Variants in NEB observed in about 807,000 individuals in gnomAD.
NEB encodes the protein nemaline myopathy type 2.
In NEB, 512 loss-of-function variants were observed where a neutral mutation model predicts 952.2. The observed-to-expected ratio is 0.54, with a 90% CI of 0.50 to 0.58. The LOEUF (loss-of-function observed/expected upper bound fraction) is 0.58. NEB is among the 20% of genes least tolerant of loss of function. The pLI is 0.00. For missense variants in NEB, 8,428 were observed against 9,231.1 expected, an observed-to-expected ratio of 0.91 and a Z score of 3.56; for synonymous variants, 2,900 against 3,149.8, an observed-to-expected ratio of 0.92 and a Z score of 2.66.
chr2:151,567,316 G>C lies in NEB; in HGVS notation c.18008C>G (p.Pro6003Arg), dbSNP rs2096449520. The C allele has an allele frequency of 6.2e-7, 1 of 1,613,884 alleles. No homozygotes were observed. Reference protein sequence around the residue: ...YHKTKAKINIPADMVSVLAAK... With the variant: ...YHKTKAKINIRADMVSVLAAK... ...GGCCAAGACTGACACCATATCAGCA[G>C]GTATATTGATTTTGGCCTTTGTTTT... The change falls in exon 114 of 182, where the codon CCT (proline) becomes CGT (arginine). Residue 6003 changes from proline (P) to arginine (R), a missense_variant. This residue lies in a region of NEB where 3,374 missense variants were observed against 3,651.5 expected (regional missense o/e 0.92). Coordinates refer to ENST00000397345, the MANE Select transcript of NEB (RefSeq NM_001164508.2).
At chr2:151,503,647 A>G (rs191163375) in intron 165 of NEB, among the ~76,000 whole-genome samples, 1 of 152,292 alleles carries the variant, frequency 6.6e-6, no homozygotes, top group East Asian at 1.9e-4. Context: ...AAAACTGGGC[A>G]CTAAATTATG....
In NEB at chr2:151,666,210, T is replaced by C; in HGVS notation, c.4911A>G (p.Ala1637=). The C allele has an allele frequency of 6.2e-7, 1 of 1,613,974 alleles. No homozygotes were observed. The highest frequency in any genetic ancestry group is 8.5e-7 in the Non-Finnish European group (1 of 1,179,868). ...TGGTGGCAACCTCCTGAGATTTCTTTGCAGCTGTCACACTGACCATATCCA... is the reference window on the plus strand; with the variant it reads ...TGGTGGCAACCTCCTGAGATTTCTTCGCAGCTGTCACACTGACCATATCCA... ...TPLDMVSVTA[A]KKSQEVATNA... is the part of the protein sequence containing the mutation. The change falls in exon 41 of 182, where the codon GCA becomes GCG. Residue 1637 remains alanine (A), a synonymous_variant. Coordinates refer to ENST00000397345, the MANE Select transcript of NEB (RefSeq NM_001164508.2).
intron 164 of NEB, 127 bp from the exon 165 acceptor site, chr2:151,505,697 T>C: frequency 1.3e-6 from 1 of 755,008 alleles, no homozygotes; most frequent in Non-Finnish European, 2.3e-6. Context: ...GCAGGCTTTA[T>C]ACTTAGTGTG....
At chr2:151,690,703 G>T (rs375265096) in intron 24 of NEB, 24 bp downstream of exon 24, 14 of 1,527,284 alleles carry the variant, frequency 9.2e-6, no homozygotes, top group Non-Finnish European at 8.0e-6. Flanking sequence ...GGTCACCCAC[G>T]CTTGCATAAA....
rs2153438059 is a variant in NEB at position 151,524,422 on chromosome 2, C to G, written c.22375-7G>C. On this transcript the variant is annotated splice_polypyrimidine_tract_variant and splice_region_variant and intron_variant, in intron 152 of 181. Coordinates refer to ENST00000397345, the MANE Select transcript of NEB (RefSeq NM_001164508.2). ...GCTTGGCTCTGTACTCCACCTGAAT[C>G]AGAGAAAACCAAAATGGGCAACAGG... 6.2e-7 allele frequency: 1 copy of G among 1,613,924 alleles called. No individual in the cohort carries two copies. Among genetic ancestry groups the G allele is most frequent in the East Asian group, 2.2e-5 (1 of 44,878 alleles).
intron 62 of NEB, among the ~76,000 whole-genome samples, 196 bp downstream of exon 62, chr2:151,639,661 C>A (rs1028789255): frequency 6.6e-5 from 10 of 152,226 alleles, no homozygotes; most frequent in Middle Eastern, 3.4e-3. Context: ...TTATCAAAAT[C>A]ATGAAACAAT....
At position 151,642,692 on chromosome 2, in the gene NEB, C is replaced by T. The variant is rs2098892131; in HGVS notation, c.8266-11G>A. The T allele has an allele frequency of 1.9e-6, 3 of 1,611,936 alleles. No individual in the cohort carries two copies. The African/African-American group carries it at 4.0e-5, about 22-fold the overall frequency. ...AAGCTTATACAATTTCTAAAATAGA[C>T]ATTAATAGTAAGTTGGATTTATAAA... is the stretch of plus-strand genomic sequence containing the variant. On this transcript the variant is annotated splice_polypyrimidine_tract_variant and intron_variant, in intron 59 of 181. Transcript: ENST00000397345.
At chr2:151,606,517 A>G in intron 84 of NEB, 89 bp downstream of exon 84, 1 of 600,626 alleles carries the variant, frequency 1.7e-6, no homozygotes, top group Non-Finnish European at 2.8e-6. Flanking sequence ...CTATGCACAG[A>G]TTTTTTAAAA....
At chr2:151,618,501 C>G in intron 73 of NEB, 23 bp from the exon 74 acceptor site, 1 of 1,598,184 alleles carries the variant, frequency 6.3e-7, no homozygotes, top group Non-Finnish European at 8.6e-7. Context: ...AGATAAGAAA[C>G]AGATTTATTA....
intron 71 of NEB, among the ~76,000 whole-genome samples, chr2:151,622,454 AC>A (rs1219786350): frequency 6.6e-6 from 1 of 152,202 alleles, no homozygotes; most frequent in Non-Finnish European, 1.5e-5. Context: ...TATACTTTCC[AC>A]CTTTTGCAAA....
intron 13 of NEB, among the ~76,000 whole-genome samples, chr2:151,706,533 G>A (rs561611191): frequency 6.6e-6 from 1 of 152,244 alleles, no homozygotes; most frequent in Admixed American, 6.5e-5. Context: ...ATCTATCTTT[G>A]AAAGTCTCCT....
At chr2:151,667,345 G>C (rs2099232096) in intron 40 of NEB, among the ~76,000 whole-genome samples, 1 of 151,934 alleles carries the variant, frequency 6.6e-6, no homozygotes, top group Non-Finnish European at 1.5e-5. Context: ...AAAGTTTTAA[G>C]TACGTCACAG....
chr2:151,498,746 T>TACAA (rs1267744428), intron 169 of NEB, among the ~76,000 whole-genome samples: 4 of 152,180 alleles, frequency 2.6e-5, no homozygotes, highest in African/African-American at 7.2e-5. Context: ...ATTTGGGTTT[T>TACAA]ACAAACATTG....
At chr2:151,508,921 T>C (rs1327603123) in intron 161 of NEB, among the ~76,000 whole-genome samples, 2 of 152,230 alleles carry the variant, frequency 1.3e-5, no homozygotes, top group Admixed American at 6.5e-5. Flanking sequence ...CAGAACACTT[T>C]AGAGCCTTAT....
At position 151,537,898 on chromosome 2, in the gene NEB, G is replaced by C; in HGVS notation, c.21076C>G (p.Arg7026Gly). ...IPDRPEHFHHRAVTDTVSDVK... is the reference protein window; with the variant it reads ...IPDRPEHFHHGAVTDTVSDVK... ...TCACTGACTGTGTCAGTGACTGCTCGGTGGTGGAAATGCTCTGGACGATCA... is the reference window on the plus strand; with the variant it reads ...TCACTGACTGTGTCAGTGACTGCTCCGTGGTGGAAATGCTCTGGACGATCA... The change falls in exon 140 of 182, where the codon CGA becomes GGA. Residue 7026 changes from arginine to glycine, a missense_variant. By Grantham distance (125) the Arg-to-Gly change is moderately radical. This residue lies in a region of NEB where 3,374 missense variants were observed against 3,651.5 expected (regional missense o/e 0.92). Coordinates refer to ENST00000397345, the MANE Select transcript of NEB (RefSeq NM_001164508.2). 6.2e-7 allele frequency: 1 copy of C among 1,611,682 alleles called. No homozygotes were observed. Among genetic ancestry groups the C allele is most frequent in the South Asian group, 1.1e-5 (1 of 90,510 alleles).
In NEB at chr2:151,665,517, G is replaced by T; in HGVS notation, c.5054C>A (p.Thr1685Asn). The T allele has an allele frequency of 1.2e-6, 2 of 1,608,008 alleles. No homozygotes were observed. Among genetic ancestry groups the T allele is most frequent in the Non-Finnish European group, 1.7e-6 (2 of 1,177,208 alleles). Residue 1685 changes from threonine (T) to asparagine (N), a missense_variant, in exon 42 of 182, where the codon ACC becomes AAC. Thr to Asn is a moderately conservative substitution (Grantham distance 65, BLOSUM62 0). Around this residue, in one of 11 missense-constraint regions of NEB, gnomAD observed 2,851 missense variants for 2,791.5 expected, o/e 1.02. Transcript: ENST00000397345. ...CCAGCCGATCCCTTTCATCCAATTG[G>T]TGAAGTCAGATTTGTACAGATTCTT... is the stretch of plus-strand genomic sequence containing the variant. ...QSDNLYKSDF[T>N]NWMKGIGWVP...
intron 13 of NEB, among the ~76,000 whole-genome samples, chr2:151,700,823 G>A (rs1320266960): frequency 1.1e-4 from 14 of 130,058 alleles, no homozygotes; most frequent in African/African-American, 1.8e-4. Flanking sequence ...GGGACAATTT[G>A]ACTTCCTCTT....
At chr2:151,722,699 A>G (rs1489732969) in intron 9 of NEB, among the ~76,000 whole-genome samples, 2 of 152,018 alleles carry the variant, frequency 1.3e-5, no homozygotes, top group Non-Finnish European at 2.9e-5. Flanking sequence ...ATGCACCCCC[A>G]CACTTGGCTA....
At chr2:151,713,141 G>A (rs772931148) in intron 10 of NEB, among the ~76,000 whole-genome samples, 1 of 152,076 alleles carries the variant, frequency 6.6e-6, no homozygotes, top group Non-Finnish European at 1.5e-5. Context: ...CTTCCATGGG[G>A]CCACAAACTG....
Sources: gnomAD v4.1 joint callset for allele counts (sites outside exome capture counted in the v4.1 genomes callset) on GRCh38, gnomAD v4.1.1 for gene constraint, gnomAD v4.1.1 regional missense constraint, MANE v1.5 for transcripts, NCBI Gene and HGNC (gene_info 2026-07-23, HGNC 2026-07-21) for gene names.